The following ROBO1 variants were observed in gnomAD, a reference collection of about 807,000 sequenced individuals.
ROBO1 encodes roundabout guidance receptor 1.
Under a neutral mutation model 195.9 loss-of-function variants are expected in ROBO1, and 149 were observed. That is an observed-to-expected ratio of 0.76 (90% CI 0.67 to 0.87). The LOEUF is 0.87. Among genes scored for constraint, ROBO1 ranks in the 40% least tolerant of loss-of-function variants. ROBO1 has a pLI of 0.00. For missense variants in ROBO1, 1,933 were observed against 2,068.3 expected (o/e 0.93, Z 1.27); for synonymous variants, 816 against 733.2 (o/e 1.11, Z -1.82).
At chr3:79,235,740 AT>A (rs1049051864) in intron 2 of ROBO1, among the ~76,000 whole-genome samples, 1 of 151,930 alleles carries the variant, frequency 6.6e-6, no homozygotes, top group African/African-American at 2.4e-5. Flanking sequence ...ACACTCTTCA[AT>A]TTATCTCTTG....
At chr3:79,254,080 T>G (rs932689999) in intron 2 of ROBO1, among the ~76,000 whole-genome samples, 3 of 152,150 alleles carry the variant, frequency 2.0e-5, no homozygotes, top group African/African-American at 7.2e-5. Flanking sequence ...AACTCTAATA[T>G]TGCATCTATC....
chr3:79,515,373 A>G (rs1940899883), intron 2 of ROBO1, among the ~76,000 whole-genome samples: 2 of 152,350 alleles, frequency 1.3e-5, no homozygotes, highest in South Asian at 4.1e-4. Context: ...GCAGTATTCC[A>G]GATAGAAGAT....
chr3:79,264,181 A>G (rs2108949876), intron 2 of ROBO1, among the ~76,000 whole-genome samples: 1 of 152,054 alleles, frequency 6.6e-6, no homozygotes, highest in Non-Finnish European at 1.5e-5. Flanking sequence ...TGCTTTTTCA[A>G]CCCACTGGGT....
chr3:79,172,954 A>G (rs866841002), intron 2 of ROBO1, among the ~76,000 whole-genome samples: 5 of 152,258 alleles, frequency 3.3e-5, no homozygotes, highest in Middle Eastern at 3.4e-3. Context: ...TACTTCTTAT[A>G]TATCTATTTT....
At chr3:79,202,503 C>T (rs2081785321) in intron 2 of ROBO1, among the ~76,000 whole-genome samples, 1 of 150,786 alleles carries the variant, frequency 6.6e-6, no homozygotes, top group Non-Finnish European at 1.5e-5. Flanking sequence ...ACAAACTGCC[C>T]ATGAACAATG....
chr3:78,962,694 G>A lies in ROBO1; in HGVS notation c.173-23767C>T, dbSNP rs189524853. Among the ~76,000 whole-genome samples the A allele has an allele frequency of 1.9e-3, 282 of 151,622 alleles. 1 individual carries two copies. The highest frequency in any genetic ancestry group is 6.6e-3 in the African/African-American group (274 of 41,342). On this transcript the variant is annotated intron_variant, in intron 3 of 30. Coordinates refer to ENST00000464233, the MANE Select transcript of ROBO1 (RefSeq NM_002941.4). ...CAAAAAATTAGCCAGGCGTGGTGGC[G>A]GCGCCTGTAGTCCCAGCTACTCGGG...
At chr3:79,519,643 A>AAAG (rs1941117970) in intron 2 of ROBO1, among the ~76,000 whole-genome samples, 1 of 150,262 alleles carries the variant, frequency 6.7e-6, no homozygotes, top group Admixed American at 6.6e-5. Context: ...AAAAAAAAAA[A>AAAG]AAAAAAGAAA....
intron 3 of ROBO1, among the ~76,000 whole-genome samples, chr3:79,045,774 A>T (rs1382197759): frequency 6.6e-6 from 1 of 152,160 alleles, no homozygotes; most frequent in African/African-American, 2.4e-5. Context: ...ATCAATACTT[A>T]TTAAGCTTCT....
intron 4 of ROBO1, among the ~76,000 whole-genome samples, chr3:78,885,723 C>T (rs1347824141): frequency 6.6e-6 from 1 of 151,028 alleles, no homozygotes; most frequent in African/African-American, 2.4e-5. Flanking sequence ...GAGGTTTACT[C>T]ACATGTGTAA....
At chr3:79,411,375 C>T (rs2037758130) in intron 2 of ROBO1, among the ~76,000 whole-genome samples, 1 of 152,076 alleles carries the variant, frequency 6.6e-6, no homozygotes, top group South Asian at 2.1e-4. Context: ...ATTGCATTTC[C>T]ATACAAAGTG....
rs755348016 is a variant in ROBO1, at chr3:78,614,812, A to G, written c.4283-12T>C. 2 of 1,568,314 alleles carry G rather than the reference A, an allele frequency of 1.3e-6. No homozygotes were observed. Among genetic ancestry groups the G allele is most frequent in the Admixed American group, 1.9e-5 (1 of 51,670 alleles). On this transcript the variant is annotated splice_polypyrimidine_tract_variant and intron_variant, in intron 27 of 30. Coordinates refer to ENST00000464233, the MANE Select transcript of ROBO1 (RefSeq NM_002941.4). The stretch of plus-strand genomic sequence containing the variant: ...AAAATGTCGACGGCCTAAGGAGAAA[A>G]AAAAAAAAAATCCAAGCCAAACTCA...
At chr3:78,659,660 A>ATATAT in intron 17 of ROBO1, 26 bp downstream of exon 17, 1 of 1,346,180 alleles carries the variant, frequency 7.4e-7, no homozygotes, top group Non-Finnish European at 9.7e-7. Context: ...TCAGGACATT[A>ATATAT]ATATATATAT....
At position 79,125,495 on chromosome 3, in the gene ROBO1, G is replaced by C; in HGVS notation, c.133C>G (p.Pro45Ala). 1.2e-6 allele frequency: 2 copies of C among 1,613,634 alleles called. No individual in the cohort carries two copies. The highest frequency in any genetic ancestry group is 1.7e-6 in the Non-Finnish European group (2 of 1,179,770). ...ERGNDHGTPI[P>A]TSDNDDNSLG... ...GAATTGTCATCGTTATCAGAGGTGG[G>C]GATTGGCGTCCCGTGGTCGTTCCCC... The change falls in exon 3 of 31, where the codon CCC (proline) becomes GCC (alanine). Residue 45 changes from proline (P) to alanine (A), a missense_variant. By Grantham distance (27) the Pro-to-Ala change is conservative. Around this residue, in one of 3 missense-constraint regions of ROBO1, gnomAD observed 185 missense variants for 159.5 expected, o/e 1.16. Transcript: ENST00000464233.
intron 4 of ROBO1, among the ~76,000 whole-genome samples, chr3:78,913,892 TA>T (rs2038402543): frequency 1.3e-5 from 2 of 152,204 alleles, no homozygotes; most frequent in Admixed American, 6.5e-5. Flanking sequence ...GAGAGGGTCG[TA>T]TTTCCCTAGG....
chr3:79,765,718 A>G (rs1704949030), intron 1 of ROBO1, among the ~76,000 whole-genome samples: 1 of 152,188 alleles, frequency 6.6e-6, no homozygotes, highest in Non-Finnish European at 1.5e-5. Context: ...AAGCGAGGAA[A>G]AAATGAAATG....
intron 29 of ROBO1, among the ~76,000 whole-genome samples, chr3:78,602,212 C>T (rs1001732902): frequency 2.0e-5 from 3 of 151,956 alleles, no homozygotes; most frequent in Non-Finnish European, 2.9e-5. Flanking sequence ...TTGGGCCATC[C>T]CCTTGATGAT....
intron 8 of ROBO1, among the ~76,000 whole-genome samples, chr3:78,696,224 T>A (rs116119306): frequency 6.6e-6 from 1 of 151,794 alleles, no homozygotes; most frequent in Non-Finnish European, 1.5e-5. Context: ...ATCCTTCTCA[T>A]AGCCCTTCTC....
intron 2 of ROBO1, among the ~76,000 whole-genome samples, chr3:79,182,646 G>A (rs1055388470): frequency 6.6e-6 from 1 of 151,996 alleles, no homozygotes; most frequent in African/African-American, 2.4e-5. Context: ...GGGTGTAAAG[G>A]GGCTAAATCC....
At chr3:79,163,415 G>T (rs553637414) in intron 2 of ROBO1, among the ~76,000 whole-genome samples, 3 of 152,100 alleles carry the variant, frequency 2.0e-5, no homozygotes, top group Non-Finnish European at 2.9e-5. Flanking sequence ...CATTTTGCTG[G>T]TTCATTCATC....
Sources: gnomAD v4.1 joint callset for allele counts (sites outside exome capture counted in the v4.1 genomes callset) on GRCh38, gnomAD v4.1.1 for gene constraint, gnomAD v4.1.1 regional missense constraint, MANE v1.5 for transcripts, NCBI Gene and HGNC (gene_info 2026-07-23, HGNC 2026-07-21) for gene names.